CCN6: variants seen among roughly 807,000 people sequenced by gnomAD.
The protein encoded by CCN6 is cellular communication network factor 6.
Under a neutral mutation model 37.4 loss-of-function variants are expected in CCN6, and 31 were observed. That is an observed-to-expected ratio of 0.83 (90% CI 0.62 to 1.12). The LOEUF is 1.12. CCN6 is among the 50% of genes most tolerant of loss of function. The pLI is 0.00. For synonymous variants in CCN6, 137 were observed against 142.1 expected, an observed-to-expected ratio of 0.96 and a Z score of 0.26; for missense variants, 369 against 413.8, an observed-to-expected ratio of 0.89 and a Z score of 0.94.
intron 3 of CCN6, among the ~76,000 whole-genome samples, chr6:112,065,575 C>A (rs1776655012): frequency 7.3e-6 from 1 of 137,574 alleles, no homozygotes; most frequent in Non-Finnish European, 1.6e-5. Flanking sequence ...CACACACACA[C>A]AAACACACAC....
In CCN6 at chr6:112,064,968, A is replaced by G; in HGVS notation, c.560A>G (p.Gln187Arg). The G allele has an allele frequency of 6.2e-7, 1 of 1,614,048 alleles. No individual in the cohort carries two copies. Among genetic ancestry groups the G allele is most frequent in the Non-Finnish European group, 8.5e-7 (1 of 1,179,918 alleles). ...SNCSLEPLLQ[Q>R]LSTSYKTMPA... ...TGTAGCCTGGAACCATTACTACAGCAGCTTTCAACAAGCTACAAAACAATG... is the reference window on the plus strand; with the variant it reads ...TGTAGCCTGGAACCATTACTACAGCGGCTTTCAACAAGCTACAAAACAATG... The change falls in exon 3 of 5, where the codon CAG becomes CGG. Residue 187 changes from glutamine to arginine, a missense_variant. Gln to Arg is a conservative substitution (Grantham distance 43). Transcript: ENST00000368666.
At chr6:112,067,972 T>C (rs979408173) in intron 3 of CCN6, among the ~76,000 whole-genome samples, 12 of 152,080 alleles carry the variant, frequency 7.9e-5, no homozygotes, top group African/African-American at 2.7e-4. Context: ...TTTTCAAAGA[T>C]AAAGTATTTT....
At chr6:112,057,018 A>C (rs189561630) in intron 1 of CCN6, among the ~76,000 whole-genome samples, 20 of 152,290 alleles carry the variant, frequency 1.3e-4, no homozygotes, top group African/African-American at 4.1e-4. Flanking sequence ...CTTGGATTTC[A>C]ACAGTGTTAC....
intron 4 of CCN6, 22 bp downstream of exon 4, chr6:112,068,420 C>G: frequency 6.4e-7 from 1 of 1,573,684 alleles, no homozygotes; most frequent in Non-Finnish European, 8.7e-7. Context: ...ATATATTTAA[C>G]TTAATTCAAT....
At chr6:112,067,114 T>TTATGA in intron 3 of CCN6, 1 of 1,098,172 alleles carries the variant, frequency 9.1e-7, no homozygotes, top group Non-Finnish European at 1.3e-6. Flanking sequence ...GAAAGCAGTG[T>TTATGA]CACAGTATCA....
chr6:112,060,030 C>A (rs781931493), intron 1 of CCN6: 3 of 1,366,252 alleles, frequency 2.2e-6, no homozygotes, highest in Non-Finnish European at 2.9e-6. Flanking sequence ...TATCTAGGGG[C>A]AGAGTGTGCT....
Position 112,054,257 on chromosome 6 carries a change from G to A in CCN6, c.-101G>A, listed in dbSNP as rs1432527475. ...AGGGTGTGTGTTCTTGTGCAGAGGA[G>A]CGTGGGGTTTGCAGAGGAGACAGGG... On this transcript the variant is annotated 5_prime_UTR_variant, in exon 1 of 5. Coordinates refer to ENST00000368666, the MANE Select transcript of CCN6 (RefSeq NM_198239.2). 2.0e-6 allele frequency: 3 copies of A among 1,523,458 alleles called. No individual in the cohort carries two copies. Among genetic ancestry groups the A allele is most frequent in the African/African-American group, 2.7e-5 (2 of 73,130 alleles). The allele number at this position is 1,523,458 out of a possible 1,614,324, so 94.4% of individuals were successfully genotyped here.
At chr6:112,068,148 C>A (rs979462099) in intron 3 of CCN6, 57 bp from the exon 4 acceptor site, 1 of 1,307,086 alleles carries the variant, frequency 7.7e-7, no homozygotes, top group Non-Finnish European at 1.0e-6. Flanking sequence ...TAAAAATTAT[C>A]TATTTATACA....
At chr6:112,067,751 A>G (rs1211704654) in intron 3 of CCN6, among the ~76,000 whole-genome samples, 2 of 152,172 alleles carry the variant, frequency 1.3e-5, no homozygotes, top group African/African-American at 4.8e-5. Context: ...ATTCTCAAAT[A>G]TAATTTTTGT....
chr6:112,054,417 C>T lies in CCN6; in HGVS notation c.48+12C>T, dbSNP rs781947993. On this transcript the variant is annotated intron_variant, in intron 1 of 4. Transcript: ENST00000368666. ...CTGGCCTGGCACAGGTAAGTCCTCTCCCCCGACTCTTTCCCTTCCGGAGGC... is the reference window on the plus strand; with the variant it reads ...CTGGCCTGGCACAGGTAAGTCCTCTTCCCCGACTCTTTCCCTTCCGGAGGC... The T allele has an allele frequency of 6.2e-6, 10 of 1,612,576 alleles. No individual in the cohort carries two copies. Among genetic ancestry groups the T allele is most frequent in the African/African-American group, 1.3e-5 (1 of 74,740 alleles).
At chr6:112,068,104 AAAATACTCAGATTT>A in intron 3 of CCN6, 87 bp from the exon 4 acceptor site, 1 of 1,044,938 alleles carries the variant, frequency 9.6e-7, no homozygotes, top group Non-Finnish European at 1.4e-6. Context: ...ATATTATACA[AAAATACTCAGATTT>A]CTTAAACATT....
At chr6:112,053,366 G>A (rs587756753), upstream of CCN6, among the ~76,000 whole-genome samples, 18 of 150,668 alleles carry the variant, frequency 1.2e-4, no homozygotes, top group African/African-American at 2.2e-4. Flanking sequence ...GTGCGATCTC[G>A]GCTCACTGCA....
chr6:112,056,717 A>T (rs1269944018), intron 1 of CCN6, among the ~76,000 whole-genome samples: 2 of 152,074 alleles, frequency 1.3e-5, no homozygotes, highest in Non-Finnish European at 2.9e-5. Context: ...GGGTTTTGCC[A>T]TGTTGGCCAG....
intron 2 of CCN6, 60 bp from the exon 3 acceptor site, chr6:112,064,695 G>C: frequency 6.2e-7 from 1 of 1,611,262 alleles, no homozygotes; most frequent in Non-Finnish European, 8.5e-7. Context: ...TTTATAATTG[G>C]AGGTCTAGAC....
intron 1 of CCN6, among the ~76,000 whole-genome samples, chr6:112,059,815 C>A (rs1554312413): frequency 1.3e-5 from 2 of 152,124 alleles, no homozygotes; most frequent in Admixed American, 1.3e-4. Flanking sequence ...AGACATTAGG[C>A]AAAGATCTTG....
intron 2 of CCN6, among the ~76,000 whole-genome samples, chr6:112,063,093 C>G (rs988060258): frequency 1.3e-5 from 2 of 152,104 alleles, no homozygotes; most frequent in African/African-American, 2.4e-5. Context: ...TTGCAAATCT[C>G]TCTAGTGTCT....
intron 1 of CCN6, among the ~76,000 whole-genome samples, chr6:112,058,458 C>T (rs1188838851): frequency 6.6e-6 from 1 of 152,192 alleles, no homozygotes; most frequent in Non-Finnish European, 1.5e-5. Flanking sequence ...GTGCTAGGTG[C>T]TGGTGGTATA....
At chr6:112,062,788 T>A (rs1227517815) in intron 2 of CCN6, among the ~76,000 whole-genome samples, 3 of 152,228 alleles carry the variant, frequency 2.0e-5, no homozygotes, top group African/African-American at 7.2e-5. Context: ...TTGGCTCTTT[T>A]CAGAAAACCT....
At chr6:112,068,598 A>G (rs1776771228) in intron 4 of CCN6, among the ~76,000 whole-genome samples, 200 bp downstream of exon 4, 1 of 152,136 alleles carries the variant, frequency 6.6e-6, no homozygotes, top group Admixed American at 6.5e-5. Context: ...ACCAGAGCAG[A>G]TTCTAACTTC....
Sources: allele counts gnomAD v4.1 joint callset (sites outside exome capture counted in the v4.1 genomes callset), GRCh38; gene constraint gnomAD v4.1.1; transcripts MANE v1.5; gene names NCBI Gene and HGNC (gene_info 2026-07-23, HGNC 2026-07-21).